Variants in CYP4A11 observed in about 807,000 individuals in gnomAD.
CYP4A11 encodes the protein cytochrome P450 family 4 subfamily A member 11, also known as cytochrome P450 4A11.
Under a neutral mutation model 57.7 loss-of-function variants are expected in CYP4A11, and 52 were observed. That is an observed-to-expected ratio of 0.90 (90% CI 0.72 to 1.14). The LOEUF is 1.14. Among genes scored for constraint, CYP4A11 ranks in the 50% most tolerant of loss-of-function variants. The pLI is 0.00. For missense variants in CYP4A11, 641 were observed against 642.1 expected (o/e 1.00, Z 0.02); for synonymous variants, 228 against 247.1 (o/e 0.92, Z 0.72).
intron 9 of CYP4A11, 117 bp from the exon 10 acceptor site, chr1:46,933,164 TTGAC>T (rs1368373010): frequency 1.5e-5 from 21 of 1,444,862 alleles, no homozygotes; most frequent in Non-Finnish European, 1.6e-5. Context: ...AATTTTCACT[TTGAC>T]TGGGATGATT....
chr1:46,931,852 C>G (rs185356016), intron 11 of CYP4A11: 7 of 898,896 alleles, frequency 7.8e-6, no homozygotes, highest in African/African-American at 7.2e-5. Flanking sequence ...TGTCACAGGA[C>G]GATTCCTGAT....
At chr1:46,939,374 A>C (rs1681613195) in intron 1 of CYP4A11, among the ~76,000 whole-genome samples, 1 of 152,072 alleles carries the variant, frequency 6.6e-6, no homozygotes, top group Non-Finnish European at 1.5e-5. Flanking sequence ...TTTTCAGTCT[A>C]GTTGGGGGGT....
At chr1:46,930,431 GC>G (rs1208413930) in intron 11 of CYP4A11, 121 bp from the exon 12 acceptor site, 1 of 1,134,748 alleles carries the variant, frequency 8.8e-7, no homozygotes, top group Non-Finnish European at 1.3e-6. Context: ...CATGTGTCCA[GC>G]CCCTGCACAC....
intron 1 of CYP4A11, chr1:46,940,723 A>T (rs1241405264): frequency 6.0e-5 from 59 of 985,246 alleles, no homozygotes; most frequent in Non-Finnish European, 2.7e-5. Context: ...TCTGCCTCAG[A>T]TATCCACCCC....
In CYP4A11 at chr1:46,941,451, A is replaced by C. The variant is rs763673024; in HGVS notation, c.-18T>G. The C allele has an allele frequency of 1.2e-6, 2 of 1,610,234 alleles. No homozygotes were observed. Among genetic ancestry groups the C allele is most frequent in the African/African-American group, 2.7e-5 (2 of 74,850 alleles). ...ACACTCATGGTGCAGCACCTGCTGG[A>C]TCTCTGAGTGCCCCTACCTCTCTCT... On this transcript the variant is annotated 5_prime_UTR_variant, in exon 1 of 12. Coordinates refer to ENST00000310638, the MANE Select transcript of CYP4A11 (RefSeq NM_000778.4).
rs1481257981 is a variant in CYP4A11 at position 46,938,099 on chromosome 1, C to G, written c.234G>C (p.Trp78Cys). Reference protein sequence around the residue: ...QDQELQRIQKWVETFPSACPH... With the variant: ...QDQELQRIQKCVETFPSACPH... ...GACAGGCACTTGGGAATGTCTCCAC[C>G]CATTTCTGAATCCGTTGTAGCTCCT... Residue 78 changes from tryptophan (W) to cysteine (C), a missense_variant, in exon 2 of 12, where the codon TGG becomes TGC. Trp to Cys is a radical substitution (Grantham distance 215, BLOSUM62 -2). Coordinates refer to ENST00000310638, the MANE Select transcript of CYP4A11 (RefSeq NM_000778.4). The G allele has an allele frequency of 1.2e-6, 2 of 1,614,192 alleles. No individual in the cohort carries two copies. Among genetic ancestry groups the G allele is most frequent in the East Asian group, 2.2e-5 (1 of 44,888 alleles).
intron 11 of CYP4A11, 132 bp from the exon 12 acceptor site, chr1:46,930,442 C>T (rs1680950481): frequency 9.8e-7 from 1 of 1,021,168 alleles, no homozygotes. Flanking sequence ...CCCCTGCACA[C>T]ATACAGCCCA....
At chr1:46,931,098 A>G (rs1680998734) in intron 11 of CYP4A11, among the ~76,000 whole-genome samples, 2 of 152,282 alleles carry the variant, frequency 1.3e-5, no homozygotes, top group South Asian at 4.1e-4. Flanking sequence ...GCTGGCAGAT[A>G]AGCCCTCCAT....
intron 4 of CYP4A11, among the ~76,000 whole-genome samples, chr1:46,935,880 C>A (rs1324658772): frequency 6.6e-6 from 1 of 152,202 alleles, no homozygotes; most frequent in Non-Finnish European, 1.5e-5. Context: ...TTCAACAGAT[C>A]CTCTCACAAT....
At chr1:46,941,176 G>T in intron 1 of CYP4A11, 63 bp downstream of exon 1, 8 of 1,556,436 alleles carry the variant, frequency 5.1e-6, no homozygotes, top group South Asian at 1.2e-5. Flanking sequence ...TGGATTTTGT[G>T]ACCAGGGTCT....
At chr1:46,937,859 G>C in intron 2 of CYP4A11, 137 bp downstream of exon 2, 1 of 1,333,350 alleles carries the variant, frequency 7.5e-7, no homozygotes, top group Admixed American at 2.5e-5. Flanking sequence ...GCCTGGGCAT[G>C]GTGGGCTTGG....
rs1681748071 is a variant in CYP4A11, at chr1:46,941,425, G to A, written c.9C>T (p.Val3=). 4 of 1,613,956 alleles carry A rather than the reference G, an allele frequency of 2.5e-6. No homozygotes were observed. Among genetic ancestry groups the A allele is most frequent in the Non-Finnish European group, 2.5e-6 (3 of 1,179,902 alleles). Residue 3 remains valine, a synonymous_variant, in exon 1 of 12, where the codon GTC becomes GTT. Transcript: ENST00000310638. ...GGAGTCTGCTGGGGCTCAGCACAGA[G>A]ACACTCATGGTGCAGCACCTGCTGG... MS[V]SVLSPSRLLG... is the part of the protein sequence containing the mutation.
chr1:46,932,378 A>G (rs1681081217), intron 11 of CYP4A11: 1 of 1,106,544 alleles, frequency 9.0e-7, no homozygotes, highest in African/African-American at 1.6e-5. Context: ...GGGGAGAGAA[A>G]TCTACAGTTT....
Position 46,936,806 on chromosome 1 carries a change from A to G in CYP4A11, c.383-15T>C. On this transcript the variant is annotated splice_polypyrimidine_tract_variant and intron_variant, in intron 3 of 11. Transcript: ENST00000310638. ...CAAGCCGTACCCTAAGAGAGACATG[A>G]ATGTGTGTTTGTGTGTGTGTGTGTG... 6.5e-7 allele frequency: 1 copy of G among 1,544,438 alleles called. No homozygotes were observed. Among genetic ancestry groups the G allele is most frequent in the Non-Finnish European group, 8.7e-7 (1 of 1,150,328 alleles).
chr1:46,938,159 T>C, intron 1 of CYP4A11, 22 bp from the exon 2 acceptor site: 2 of 1,614,048 alleles, frequency 1.2e-6, no homozygotes. Context: ...GGTAGACAGA[T>C]GAACACTTTC....
chr1:46,936,732 G>T lies in CYP4A11; in HGVS notation c.442C>A (p.Pro148Thr). ...TWFQHRRMLT[P>T]AFHYDILKPY... ...TTCAGGATGTCATAGTGGAAGGCTG[G>T]GGTCAGCATCCGTCGATGCTGGAAC... The change falls in exon 4 of 12, where the codon CCA (proline) becomes ACA (threonine). Residue 148 changes from proline (P) to threonine (T), a missense_variant. Transcript: ENST00000310638. 6.2e-7 allele frequency: 1 copy of T among 1,613,990 alleles called. No homozygotes were observed. Among genetic ancestry groups the T allele is most frequent in the Non-Finnish European group, 8.5e-7 (1 of 1,179,968 alleles).
At position 46,929,446 on chromosome 1, in the gene CYP4A11, G is replaced by A; in HGVS notation, c.*669C>T. The A allele has an allele frequency of 6.6e-6, 1 of 150,918 alleles. No individual in the cohort carries two copies. The allele number at this position is 150,918 out of a possible 1,614,324, so 9.3% of individuals were successfully genotyped here. A position where few individuals can be genotyped will look rare whatever the true frequency, so the allele number is the denominator to read the frequency against. The stretch of plus-strand genomic sequence containing the variant: ...GGTCCAGGGCGCCAAAGCTAAGGAT[G>A]GAGGCTGTGAAGGCCCCGAGCTCTG... On this transcript the variant is annotated 3_prime_UTR_variant, in exon 12 of 12. Transcript: ENST00000310638.
At chr1:46,932,134 C>G in intron 11 of CYP4A11, 1 of 978,570 alleles carries the variant, frequency 1.0e-6, no homozygotes, top group Non-Finnish European at 1.2e-6. Flanking sequence ...TATGTGAACA[C>G]TATATAATGC....
In CYP4A11 at chr1:46,940,254, A is replaced by T. The variant is rs192887265; in HGVS notation, c.195+985T>A. On this transcript the variant is annotated intron_variant, in intron 1 of 11. Coordinates refer to ENST00000310638, the MANE Select transcript of CYP4A11 (RefSeq NM_000778.4). ...TTGTCTTGAGCCATGCATAAAATAC[A>T]CTAACACTAATGATAGCTGATGAAC... is the stretch of plus-strand genomic sequence containing the variant. Among the ~76,000 whole-genome samples the T allele has an allele frequency of 3.9e-5, 6 of 152,340 alleles. No homozygotes were observed. The East Asian group carries it at 9.6e-4, about 24-fold the overall frequency.
Sources: allele counts gnomAD v4.1 joint callset (sites outside exome capture counted in the v4.1 genomes callset), GRCh38; gene constraint gnomAD v4.1.1; transcripts MANE v1.5; gene names NCBI Gene and HGNC (gene_info 2026-07-23, HGNC 2026-07-21).